The following LNX1 variants were observed in gnomAD, a reference collection of about 807,000 sequenced individuals.
LNX1 encodes E3 ubiquitin-protein ligase LNX.
LNX1 carries 54 observed loss-of-function variants against 68.4 expected under a neutral mutation model. The observed-to-expected ratio is 0.79, with a 90% CI of 0.63 to 0.99. The LOEUF is 0.99. Among genes scored for constraint, LNX1 ranks in the 50% least tolerant of loss-of-function variants. The pLI is 0.00. For synonymous variants in LNX1, 336 were observed against 350.0 expected (o/e 0.96, Z 0.45); for missense variants, 906 against 926.4 (o/e 0.98, Z 0.29).
intron 2 of LNX1, among the ~76,000 whole-genome samples, chr4:53,565,349 C>T (rs1258078023): frequency 1.3e-5 from 2 of 152,010 alleles, no homozygotes; most frequent in Non-Finnish European, 2.9e-5. Context: ...CCCTGACCCC[C>T]GAGCAGCCTA....
chr4:53,470,074 C>G (rs1161341534), intron 9 of LNX1, among the ~76,000 whole-genome samples: 2 of 152,108 alleles, frequency 1.3e-5, no homozygotes, highest in East Asian at 3.8e-4. Flanking sequence ...TGGATGAACA[C>G]CAATGCAAAA....
chr4:53,606,556 C>T (rs1733244537), intron 2 of LNX1, among the ~76,000 whole-genome samples: 1 of 152,034 alleles, frequency 6.6e-6, no homozygotes, highest in Non-Finnish European at 1.5e-5. Flanking sequence ...GCTGGTACCA[C>T]TCCTACTGAA....
chr4:53,597,024 C>T (rs1732784160), intron 2 of LNX1, among the ~76,000 whole-genome samples: 1 of 152,168 alleles, frequency 6.6e-6, no homozygotes, highest in East Asian at 1.9e-4. Flanking sequence ...CCAAGAATAT[C>T]TGTTCCTTAC....
chr4:53,610,041 T>A (rs1347870296), intron 2 of LNX1, among the ~76,000 whole-genome samples: 1 of 151,912 alleles, frequency 6.6e-6, no homozygotes, highest in Non-Finnish European at 1.5e-5. Context: ...CTAAAGTCTT[T>A]ACTTTTAACC....
intron 2 of LNX1, among the ~76,000 whole-genome samples, chr4:53,529,786 C>G (rs1727889555): frequency 2.0e-5 from 3 of 152,150 alleles, no homozygotes; most frequent in South Asian, 4.1e-4. Context: ...ATCTGTGGGC[C>G]AGAGACAGCA....
intron 1 of LNX1, among the ~76,000 whole-genome samples, chr4:53,587,981 C>A (rs1307594518): frequency 6.6e-6 from 1 of 152,202 alleles, no homozygotes; most frequent in African/African-American, 2.4e-5. Flanking sequence ...TTTGCTCAGT[C>A]TTTGGCCCTC....
chr4:53,536,078 G>A (rs1198137715), intron 2 of LNX1, among the ~76,000 whole-genome samples: 1 of 152,190 alleles, frequency 6.6e-6, no homozygotes, highest in East Asian at 1.9e-4. Flanking sequence ...ACAGTACCCT[G>A]TAGCTGCTTT....
At chr4:53,567,449 A>C (rs1730778784) in intron 2 of LNX1, among the ~76,000 whole-genome samples, 1 of 152,204 alleles carries the variant, frequency 6.6e-6, no homozygotes, top group Non-Finnish European at 1.5e-5. Context: ...GAAACCAATG[A>C]GAACAAAGAC....
At chr4:53,466,780 G>A (rs1722719981) in intron 9 of LNX1, among the ~76,000 whole-genome samples, 1 of 152,258 alleles carries the variant, frequency 6.6e-6, no homozygotes, top group African/African-American at 2.4e-5. Flanking sequence ...CAAGGCTGGG[G>A]GAGGGGCGCC....
intron 2 of LNX1, among the ~76,000 whole-genome samples, chr4:53,539,628 C>A (rs1417889723): frequency 6.6e-6 from 1 of 152,274 alleles, no homozygotes; most frequent in African/African-American, 2.4e-5. Context: ...AATGTGAGCA[C>A]ATGATTCATA....
intron 2 of LNX1, chr4:53,508,482 G>C: frequency 2.3e-6 from 1 of 441,180 alleles, no homozygotes; most frequent in Admixed American, 3.5e-5. Context: ...TACATTGGCT[G>C]CTGGAATGCA....
chr4:53,508,729 G>A, intron 2 of LNX1, among the ~76,000 whole-genome samples: 1 of 152,200 alleles, frequency 6.6e-6, no homozygotes, highest in East Asian at 1.9e-4. Flanking sequence ...AGCCACAGGA[G>A]TGAGTTCAGC....
intron 9 of LNX1, 66 bp downstream of exon 9, chr4:53,476,683 TGAAA>T: frequency 3.0e-6 from 4 of 1,312,378 alleles, no homozygotes; most frequent in South Asian, 2.4e-5. Flanking sequence ...CCCTAGAGAG[TGAAA>T]GAGTGGTTTA....
intron 1 of LNX1, among the ~76,000 whole-genome samples, chr4:53,639,131 C>G (rs1265151397): frequency 6.6e-6 from 1 of 152,152 alleles, no homozygotes; most frequent in Non-Finnish European, 1.5e-5. Flanking sequence ...TACATATACA[C>G]CATGAAGTAC....
At chr4:53,622,090 G>A (rs1254059329), upstream of LNX1, among the ~76,000 whole-genome samples, 2 of 152,114 alleles carry the variant, frequency 1.3e-5, no homozygotes, top group Non-Finnish European at 2.9e-5. Context: ...TTATAGGCAA[G>A]TTACACTAAG....
At position 53,599,023 on chromosome 4, in the gene LNX1, G is replaced by A. The variant is rs531940280; in HGVS notation, c.-214-7508C>T. ...GTTACAGATGCAGTTACATGAGACA[G>A]CAGGCCAGATTGTTTCTTCTAACTT... is the stretch of plus-strand genomic sequence containing the variant. On this transcript the variant is annotated intron_variant, in intron 2 of 3. Coordinates refer to the LNX1 transcript ENST00000504299. Among the ~76,000 whole-genome samples the A allele has an allele frequency of 3.3e-5, 5 of 152,288 alleles. No individual in the cohort carries two copies. The South Asian group carries it at 1.0e-3, about 32-fold the overall frequency.
At position 53,537,542 on chromosome 4, in the gene LNX1, C is replaced by T. The variant is rs1401771891; in HGVS notation, c.381-29315G>A. Among the ~76,000 whole-genome samples, 5 of 152,194 alleles carry T rather than the reference C, an allele frequency of 3.3e-5. No homozygotes were observed. In the South Asian group the frequency reaches 1.0e-3, roughly 32 times the overall value. On this transcript the variant is annotated intron_variant, in intron 2 of 10. Transcript: ENST00000263925. ...TAGTTTCAAAGGATCAGAAAATGGA[C>T]ATTTTTTATGTTCCTTTAGTATTTT...
chr4:53,510,721 A>T (rs1216075391), intron 2 of LNX1, among the ~76,000 whole-genome samples: 4 of 152,244 alleles, frequency 2.6e-5, no homozygotes, highest in Non-Finnish European at 5.9e-5. Context: ...TTAGCAGTGC[A>T]TGGAAAGGAA....
chr4:53,652,197 T>G (rs928540191), exon 1 of LNX1: 14 of 152,214 alleles, frequency 9.2e-5, no homozygotes, highest in African/African-American at 3.1e-4. Context: ...AGTTCCCAGC[T>G]GTGTGACGTC....
Sources: gnomAD v4.1 joint callset for allele counts (sites outside exome capture counted in the v4.1 genomes callset) on GRCh38, gnomAD v4.1.1 for gene constraint, MANE v1.5 for transcripts, NCBI Gene and HGNC (gene_info 2026-07-23, HGNC 2026-07-21) for gene names.